Variants in ESRRB observed in about 807,000 individuals in gnomAD.
ESRRB encodes the protein estrogen related receptor beta, also known as steroid hormone receptor ERR2.
ESRRB carries 16 observed loss-of-function variants against 46.0 expected under a neutral mutation model. The ratio of observed to expected loss-of-function variants is 0.35; its 90% CI spans 0.24 to 0.53. The LOEUF (loss-of-function observed/expected upper bound fraction) is 0.53. Ranked by LOEUF, ESRRB falls within the 20% of genes least tolerant of loss-of-function variation. The pLI, the probability that ESRRB is intolerant of heterozygous loss-of-function variation, is 0.93. For synonymous variants in ESRRB, 246 were observed against 259.6 expected (o/e 0.95, Z 0.50); for missense variants, 488 against 607.4 (o/e 0.80, Z 2.07).
At chr14:76,313,875 G>T (rs1390076711) in intron 1 of ESRRB, among the ~76,000 whole-genome samples, 1 of 152,100 alleles carries the variant, frequency 6.6e-6, no homozygotes, top group African/African-American at 2.4e-5. Context: ...AATAAACTCA[G>T]ATTGTGGGTA....
chr14:76,337,960 C>G (rs1884147272), intron 1 of ESRRB, among the ~76,000 whole-genome samples: 1 of 152,220 alleles, frequency 6.6e-6, no homozygotes. Context: ...TCCTTCCTTC[C>G]TGCAGCCGCC....
At chr14:76,400,335 G>C (rs977261013) in intron 1 of ESRRB, among the ~76,000 whole-genome samples, 6 of 152,184 alleles carry the variant, frequency 3.9e-5, no homozygotes, top group Non-Finnish European at 8.8e-5. Context: ...GGGAGAAAGA[G>C]CACAGGGCAG....
chr14:76,315,427 C>A (rs1026703358), intron 1 of ESRRB, among the ~76,000 whole-genome samples: 1 of 152,158 alleles, frequency 6.6e-6, no homozygotes, highest in African/African-American at 2.4e-5. Context: ...GTTAAGCATG[C>A]GCCTTCCAAG....
chr14:76,395,771 T>A (rs1885651356), intron 1 of ESRRB, among the ~76,000 whole-genome samples: 1 of 147,610 alleles, frequency 6.8e-6, no homozygotes, highest in South Asian at 2.1e-4. Context: ...AAGTATTATT[T>A]AATTAGGAGT....
At chr14:76,413,802 T>G (rs1886541170) in intron 1 of ESRRB, among the ~76,000 whole-genome samples, 2 of 151,552 alleles carry the variant, frequency 1.3e-5, no homozygotes. Context: ...CCCAGCCACA[T>G]GCAGCAGAGG....
At chr14:76,425,043 C>A (rs1234244241) in intron 1 of ESRRB, among the ~76,000 whole-genome samples, 1 of 152,152 alleles carries the variant, frequency 6.6e-6, no homozygotes, top group Non-Finnish European at 1.5e-5. Flanking sequence ...GCCACTGCGC[C>A]TGGCCTGATG....
At chr14:76,313,229 A>G (rs1446415157) in intron 1 of ESRRB, among the ~76,000 whole-genome samples, 1 of 152,034 alleles carries the variant, frequency 6.6e-6, no homozygotes, top group African/African-American at 2.4e-5. Flanking sequence ...GGGAAACTTC[A>G]GTGTATTTGC....
At chr14:76,469,929 G>GTTTTTTTTTTTTTTTTTTT (rs769935944) in intron 3 of ESRRB, among the ~76,000 whole-genome samples, 9 of 78,694 alleles carry the variant, frequency 1.1e-4, no homozygotes, top group African/African-American at 1.6e-4. Flanking sequence ...GTTTTTTGTT[G>GTTTTTTTTTTTTTTTTTTT]TTTTTTTTTT....
intron 2 of ESRRB, among the ~76,000 whole-genome samples, chr14:76,444,295 A>T (rs1888042625): frequency 6.6e-6 from 1 of 152,156 alleles, no homozygotes; most frequent in South Asian, 2.1e-4. Context: ...GGCCTCCCAA[A>T]GTGCTGGGAT....
intron 1 of ESRRB, among the ~76,000 whole-genome samples, chr14:76,383,592 TTCC>T (rs1885102619): frequency 6.6e-6 from 1 of 152,238 alleles, no homozygotes; most frequent in African/African-American, 2.4e-5. Context: ...TCTATTTTTA[TTCC>T]AGCTTGCTGT....
chr14:76,483,098 T>C (rs1037091014), intron 5 of ESRRB, among the ~76,000 whole-genome samples: 1 of 152,196 alleles, frequency 6.6e-6, no homozygotes, highest in African/African-American at 2.4e-5. Context: ...TTGTAGACCT[T>C]ATTGGAAGGA....
chr14:76,341,343 C>T (rs1884189802), intron 1 of ESRRB, among the ~76,000 whole-genome samples: 1 of 152,248 alleles, frequency 6.6e-6, no homozygotes, highest in African/African-American at 2.4e-5. Context: ...ACATTGTGAC[C>T]ACTTTCAGAG....
intron 1 of ESRRB, among the ~76,000 whole-genome samples, chr14:76,316,750 A>G (rs1460095901): frequency 8.1e-6 from 1 of 123,902 alleles, no homozygotes; most frequent in African/African-American, 3.1e-5. Flanking sequence ...TCTGTCCAGG[A>G]AAAAAAAATG....
Position 76,498,522 on chromosome 14 carries a change from C to A in ESRRB, c.*64C>A. On this transcript the variant is annotated 3_prime_UTR_variant, in exon 7 of 7. Transcript: ENST00000644823. ...CAAACGGACAGACCGAGGTGGAGAC[C>A]TCCACAGCCACCAGCCTCCACCTTC... 3 of 1,611,470 alleles carry A rather than the reference C, an allele frequency of 1.9e-6. No homozygotes were observed. The highest frequency in any genetic ancestry group is 2.5e-6 in the Non-Finnish European group (3 of 1,179,604).
chr14:76,424,220 T>C (rs1261891363), intron 1 of ESRRB, among the ~76,000 whole-genome samples: 2 of 152,146 alleles, frequency 1.3e-5, no homozygotes, highest in Non-Finnish European at 2.9e-5. Context: ...GCACTGTTGT[T>C]GTTACAGAGA....
At chr14:76,358,432 AAATGGC>A in intron 1 of ESRRB, among the ~76,000 whole-genome samples, 1 of 150,776 alleles carries the variant, frequency 6.6e-6, no homozygotes, top group East Asian at 1.9e-4. Context: ...AAAAAGAAAA[AAATGGC>A]AATGGATGGG....
chr14:76,491,356 C>T, intron 5 of ESRRB, 91 bp from the exon 6 acceptor site: 2 of 1,369,936 alleles, frequency 1.5e-6, no homozygotes, highest in Non-Finnish European at 2.0e-6. Flanking sequence ...ACCAGCCACG[C>T]CCTGCAACCT....
At chr14:76,435,800 T>C (rs1032959325) in intron 1 of ESRRB, among the ~76,000 whole-genome samples, 2 of 152,164 alleles carry the variant, frequency 1.3e-5, no homozygotes, top group Non-Finnish European at 2.9e-5. Context: ...CATTGCATTC[T>C]AGGCTGGGTG....
chr14:76,452,433 C>T (rs1888421704), intron 2 of ESRRB, among the ~76,000 whole-genome samples: 1 of 151,448 alleles, frequency 6.6e-6, no homozygotes, highest in Non-Finnish European at 1.5e-5. Context: ...TTGAGACCAG[C>T]CTGACCAACA....
Sources: gnomAD v4.1 joint callset for allele counts (sites outside exome capture counted in the v4.1 genomes callset) on GRCh38, gnomAD v4.1.1 for gene constraint, MANE v1.5 for transcripts, NCBI Gene and HGNC (gene_info 2026-07-23, HGNC 2026-07-21) for gene names.